The following ANKS1B variants were observed in gnomAD, a reference collection of about 807,000 sequenced individuals.
ANKS1B encodes the protein ankyrin repeat and sterile alpha motif domain-containing protein 1B.
In ANKS1B, 36 loss-of-function variants were observed where a neutral mutation model predicts 148.3. That is an observed-to-expected ratio of 0.24 (90% CI 0.19 to 0.32). ANKS1B has a LOEUF of 0.32. Ranked by LOEUF, ANKS1B falls within the 10% of genes least tolerant of loss-of-function variation. The pLI, the probability that ANKS1B is intolerant of heterozygous loss-of-function variation, is 1.00. For missense variants in ANKS1B, 1,157 were observed against 1,542.6 expected, an observed-to-expected ratio of 0.75 and a Z score of 4.19; for synonymous variants, 542 against 560.8, an observed-to-expected ratio of 0.97 and a Z score of 0.47.
rs181822970 is a variant in ANKS1B, at chr12:98,858,396, C to T, written c.2779-26260G>A. On this transcript the variant is annotated intron_variant, in intron 17 of 26. Transcript: ENST00000683438. Reference sequence around the variant, plus strand: ...TCTTGCTCTGTCAGCCAGGCTTCAGCGAAGTGCTGAGATCATGGCTCACTG... The same window carrying T: ...TCTTGCTCTGTCAGCCAGGCTTCAGTGAAGTGCTGAGATCATGGCTCACTG... Among the ~76,000 whole-genome samples, 940 of 152,318 alleles carry T rather than the reference C, an allele frequency of 6.2e-3. 9 individuals are homozygous for T. Among genetic ancestry groups the T allele is most frequent in the African/African-American group, 0.022 (903 of 41,574 alleles).
intron 19 of ANKS1B, among the ~76,000 whole-genome samples, chr12:98,810,014 T>C (rs1854541980): frequency 6.6e-6 from 1 of 152,198 alleles, no homozygotes; most frequent in African/African-American, 2.4e-5. Flanking sequence ...AAGAATAAAC[T>C]ATGTTCCAAC....
At chr12:99,787,644 T>C (rs146630253) in intron 4 of ANKS1B, among the ~76,000 whole-genome samples, 1 of 152,324 alleles carries the variant, frequency 6.6e-6, no homozygotes, top group Non-Finnish European at 1.5e-5. Context: ...CAGAAGAGCA[T>C]TGTCACAAGA....
chr12:99,478,480 A>G (rs1326580952), intron 10 of ANKS1B, among the ~76,000 whole-genome samples: 1 of 152,100 alleles, frequency 6.6e-6, no homozygotes, highest in East Asian at 1.9e-4. Context: ...CCATGTACAT[A>G]CAGTTCAGAT....
At chr12:99,357,607 G>A (rs1332279545) in intron 12 of ANKS1B, among the ~76,000 whole-genome samples, 1 of 152,144 alleles carries the variant, frequency 6.6e-6, no homozygotes, top group Non-Finnish European at 1.5e-5. Flanking sequence ...ATCTGTTTAT[G>A]TGTCTGTGTC....
chr12:98,822,575 T>C (rs2099206427), intron 19 of ANKS1B, among the ~76,000 whole-genome samples: 1 of 152,224 alleles, frequency 6.6e-6, no homozygotes, highest in Non-Finnish European at 1.5e-5. Flanking sequence ...ATTTTTTGTT[T>C]AGTTGTTTTG....
chr12:99,516,288 C>A (rs1262571897), intron 9 of ANKS1B, among the ~76,000 whole-genome samples: 2 of 152,058 alleles, frequency 1.3e-5, no homozygotes, highest in Non-Finnish European at 2.9e-5. Context: ...AGTTTGACAT[C>A]TTGGATTTAA....
At chr12:99,052,734 C>CAAAAAAAAAAAA (rs56965572) in intron 17 of ANKS1B, among the ~76,000 whole-genome samples, 29 of 25,944 alleles carry the variant, frequency 1.1e-3, no homozygotes, top group East Asian at 3.3e-3. Context: ...GACTCCGTCT[C>CAAAAAAAAAAAA]AAAAAAAAAA....
intron 14 of ANKS1B, among the ~76,000 whole-genome samples, chr12:99,231,038 A>C (rs2086758013): frequency 6.6e-6 from 1 of 152,200 alleles, no homozygotes; most frequent in African/African-American, 2.4e-5. Flanking sequence ...AGAAGCTTTT[A>C]TGTGAAATTT....
chr12:99,280,820 G>A (rs1476179800), intron 12 of ANKS1B, among the ~76,000 whole-genome samples: 1 of 151,878 alleles, frequency 6.6e-6, no homozygotes, highest in Non-Finnish European at 1.5e-5. Context: ...GTAATAGCAT[G>A]AGCCAATTCC....
At chr12:99,552,299 T>C (rs1596898767) in intron 9 of ANKS1B, among the ~76,000 whole-genome samples, 1 of 152,242 alleles carries the variant, frequency 6.6e-6, no homozygotes, top group East Asian at 1.9e-4. Flanking sequence ...GTCTCCTCAA[T>C]GTCTATCATG....
At chr12:99,878,278 T>C (rs907870551) in intron 1 of ANKS1B, among the ~76,000 whole-genome samples, 2 of 152,178 alleles carry the variant, frequency 1.3e-5, no homozygotes, top group African/African-American at 4.8e-5. Context: ...AGATTTCCAC[T>C]TACATTTTAT....
chr12:99,865,310 A>G (rs1397814889), intron 1 of ANKS1B, among the ~76,000 whole-genome samples: 5 of 152,046 alleles, frequency 3.3e-5, no homozygotes, highest in Non-Finnish European at 5.9e-5. Context: ...TTATTAATTG[A>G]CTCCAGTGAT....
At chr12:99,348,008 A>T (rs1314751500) in intron 12 of ANKS1B, among the ~76,000 whole-genome samples, 6 of 152,048 alleles carry the variant, frequency 3.9e-5, no homozygotes, top group Non-Finnish European at 7.4e-5. Flanking sequence ...GATATAAAGG[A>T]AACAAATTCT....
intron 25 of ANKS1B, among the ~76,000 whole-genome samples, chr12:98,756,736 T>C (rs1180847732): frequency 6.6e-6 from 1 of 150,646 alleles, no homozygotes; most frequent in Non-Finnish European, 1.5e-5. Flanking sequence ...TCTTTTTTTT[T>C]TTTTTTTTGA....
rs1396839556 is a variant in ANKS1B at position 99,806,620 on chromosome 12, G to A, written c.453C>T (p.Leu151=). 4 of 1,613,912 alleles carry A rather than the reference G, an allele frequency of 2.5e-6. No homozygotes were observed. The highest frequency in any genetic ancestry group is 3.4e-6 in the Non-Finnish European group (4 of 1,179,862). The change falls in exon 4 of 27, where the codon CTC becomes CTT. Residue 151 remains leucine, a synonymous_variant. Coordinates refer to ENST00000683438, the MANE Select transcript of ANKS1B (RefSeq NM_001352186.2). ...SEVVAVLLEE[L]TDPTIRNSKL... is the part of the protein sequence containing the mutation. Reference sequence around the variant, plus strand: ...TGCTATTTCTAATTGTCGGGTCAGTGAGCTCTTCTAGGAGAACAGCAACTA... The same window carrying A: ...TGCTATTTCTAATTGTCGGGTCAGTAAGCTCTTCTAGGAGAACAGCAACTA...
intron 1 of ANKS1B, among the ~76,000 whole-genome samples, chr12:99,922,685 C>T (rs1202880587): frequency 6.6e-6 from 1 of 152,042 alleles, no homozygotes; most frequent in Non-Finnish European, 1.5e-5. Flanking sequence ...AATGTGTCCC[C>T]CGAAGTTCAT....
intron 9 of ANKS1B, among the ~76,000 whole-genome samples, chr12:99,639,532 C>T (rs938714955): frequency 3.3e-5 from 5 of 152,104 alleles, no homozygotes; most frequent in East Asian, 1.9e-4. Flanking sequence ...AAAATCTCAT[C>T]GTGGATTTTA....
chr12:99,570,628 G>A (rs10745861), intron 9 of ANKS1B, among the ~76,000 whole-genome samples: 56,600 of 149,318 alleles, frequency 0.38, 10,928 homozygotes, highest in Admixed American at 0.41. Context: ...CCTGAGCGAC[G>A]GAGCGAGACT....
intron 17 of ANKS1B, among the ~76,000 whole-genome samples, chr12:99,039,309 G>A (rs1032852199): frequency 5.3e-5 from 8 of 152,224 alleles, no homozygotes; most frequent in African/African-American, 1.9e-4. Context: ...CAAGTAGGTC[G>A]CTGAAGTCTG....
Sources: allele counts gnomAD v4.1 joint callset (sites outside exome capture counted in the v4.1 genomes callset), GRCh38; gene constraint gnomAD v4.1.1; transcripts MANE v1.5; gene names NCBI Gene and HGNC (gene_info 2026-07-23, HGNC 2026-07-21).